Variants in CETP observed in about 807,000 individuals in gnomAD.
CETP encodes BPI fold containing family F.
In CETP, 56 loss-of-function variants were observed where a neutral mutation model predicts 66.5. The ratio of observed to expected loss-of-function variants is 0.84; its 90% CI spans 0.68 to 1.05. The LOEUF is 1.05. Ranked by LOEUF, CETP falls within the 50% of genes least tolerant of loss-of-function variation. The pLI is 0.00. For synonymous variants in CETP, 251 were observed against 245.7 expected, an observed-to-expected ratio of 1.02 and a Z score of -0.20; for missense variants, 612 against 609.6, an observed-to-expected ratio of 1.00 and a Z score of -0.04.
intron 11 of CETP, among the ~76,000 whole-genome samples, chr16:56,979,845 A>G (rs1333085281): frequency 6.6e-6 from 1 of 152,210 alleles, no homozygotes; most frequent in Non-Finnish European, 1.5e-5. Context: ...GACAAGAGCG[A>G]TACAATCACA....
intron 10 of CETP, among the ~76,000 whole-genome samples, chr16:56,977,042 G>A (rs2056154619): frequency 2.0e-5 from 3 of 152,002 alleles, no homozygotes; most frequent in Admixed American, 2.0e-4. Flanking sequence ...CCGATTGGCT[G>A]GGGTTACAGG....
At chr16:56,972,973 T>A (rs1276556405) in intron 8 of CETP, among the ~76,000 whole-genome samples, 1 of 152,068 alleles carries the variant, frequency 6.6e-6, no homozygotes, top group Admixed American at 6.5e-5. Flanking sequence ...CAGGAGCCGA[T>A]GGTCAATGGA....
At chr16:56,970,800 G>A (rs1389259501) in intron 5 of CETP, among the ~76,000 whole-genome samples, 2 of 152,234 alleles carry the variant, frequency 1.3e-5, no homozygotes, top group Non-Finnish European at 2.9e-5. Context: ...GTGTGTGACA[G>A]GTGTGAGCGT....
At chr16:56,980,506 A>G (rs1398196718) in intron 11 of CETP, among the ~76,000 whole-genome samples, 1 of 151,878 alleles carries the variant, frequency 6.6e-6, no homozygotes. Flanking sequence ...TAATTTTTGT[A>G]TTACTTTCCT....
At chr16:56,965,216 A>G (rs1401554746) in intron 2 of CETP, among the ~76,000 whole-genome samples, 1 of 152,206 alleles carries the variant, frequency 6.6e-6, no homozygotes, top group Admixed American at 6.5e-5. Context: ...GTAAGACCAG[A>G]CTGCCATAGA....
chr16:56,963,606 G>C (rs1438967844), intron 2 of CETP, among the ~76,000 whole-genome samples: 1 of 152,070 alleles, frequency 6.6e-6, no homozygotes, highest in Non-Finnish European at 1.5e-5. Context: ...AACAGTCAAG[G>C]GTCGGTTGTG....
intron 9 of CETP, among the ~76,000 whole-genome samples, chr16:56,974,784 A>G (rs1159424919): frequency 6.6e-6 from 1 of 152,226 alleles, no homozygotes; most frequent in Non-Finnish European, 1.5e-5. Context: ...ATACTGTACT[A>G]GAAATGCTTA....
At chr16:56,962,262 C>T in intron 1 of CETP, 165 bp downstream of exon 1, 4 of 748,578 alleles carry the variant, frequency 5.3e-6, no homozygotes, top group Non-Finnish European at 9.7e-6. Context: ...TGTCATCACC[C>T]CCTCCTGACC....
intron 12 of CETP, among the ~76,000 whole-genome samples, chr16:56,981,445 C>A (rs2056187063): frequency 6.6e-6 from 1 of 152,076 alleles, no homozygotes; most frequent in South Asian, 2.1e-4. Context: ...AAGGGCCTGG[C>A]AGGAGGAGAG....
At chr16:56,963,888 C>G (rs1454656377) in intron 2 of CETP, among the ~76,000 whole-genome samples, 1 of 152,064 alleles carries the variant, frequency 6.6e-6, no homozygotes, top group African/African-American at 2.4e-5. Context: ...AGACTGGTCT[C>G]CAACTCCTGA....
At chr16:56,969,272 C>A in intron 2 of CETP, 114 bp from the exon 3 acceptor site, 2 of 1,356,478 alleles carry the variant, frequency 1.5e-6, no homozygotes, top group Non-Finnish European at 1.0e-6. Context: ...ATTAGGAGGA[C>A]ATTTTGGGGG....
chr16:56,981,274 C>T (rs771849155), intron 12 of CETP, 49 bp downstream of exon 12: 19 of 1,449,566 alleles, frequency 1.3e-5, no homozygotes, highest in African/African-American at 5.6e-5. Flanking sequence ...CAAACCTCTC[C>T]CTGGCCCCTT....
At chr16:56,966,744 C>T (rs2141994473) in intron 2 of CETP, among the ~76,000 whole-genome samples, 1 of 151,292 alleles carries the variant, frequency 6.6e-6, no homozygotes, top group African/African-American at 2.4e-5. Flanking sequence ...GAACCACAAG[C>T]ATATGCCACC....
intron 10 of CETP, among the ~76,000 whole-genome samples, chr16:56,976,434 G>A (rs191394643): frequency 2.0e-5 from 3 of 151,776 alleles, no homozygotes; most frequent in East Asian, 1.9e-4. Context: ...GAAAGTTGAC[G>A]AGGTCTTTTG....
At chr16:56,973,285 C>T (rs775928502) in intron 8 of CETP, 46 bp from the exon 9 acceptor site, 2 of 1,603,628 alleles carry the variant, frequency 1.2e-6, no homozygotes, top group South Asian at 1.1e-5. Flanking sequence ...GGACCTGAGC[C>T]CAGTAGGGAC....
At chr16:56,978,305 T>C in intron 11 of CETP, 50 bp downstream of exon 11, 1 of 1,611,646 alleles carries the variant, frequency 6.2e-7, no homozygotes, top group Non-Finnish European at 8.5e-7. Flanking sequence ...GACTCACATA[T>C]GGGCCGCAGA....
Position 56,972,014 on chromosome 16 carries a change from C to T in CETP, c.681C>T (p.Asp227=), listed in dbSNP as rs1300674301. The T allele has an allele frequency of 1.2e-6, 2 of 1,614,138 alleles. No homozygotes were observed. Among genetic ancestry groups the T allele is most frequent in the Middle Eastern group, 1.6e-4 (1 of 6,062 alleles). ...TRAASILSDG[D]IGVDISLTGD... is the part of the protein sequence containing the mutation. ...CAGCCAGCATCCTTTCAGATGGAGA[C>T]ATTGGGGTGGACATTTCCCTGACAG... Residue 227 remains aspartate (D), a synonymous_variant, in exon 8 of 16, where the codon GAC becomes GAT. Coordinates refer to ENST00000200676, the MANE Select transcript of CETP (RefSeq NM_000078.3).
At position 56,975,288 on chromosome 16, in the gene CETP, C is replaced by T. The variant is rs12720877; in HGVS notation, c.981+137C>T. ...CGAACACAGCTCCTACTCGGTTGTT[C>T]GGCATGGAGTGAAGCACTTAGTGTG... On this transcript the variant is annotated intron_variant, in intron 10 of 15. Coordinates refer to ENST00000200676, the MANE Select transcript of CETP (RefSeq NM_000078.3). 3,630 of 762,756 alleles carry T rather than the reference C, an allele frequency of 4.8e-3. 111 individuals carry two copies. The African/African-American group carries it at 0.055, about 12-fold the overall frequency. The allele number at this position is 762,756 out of a possible 1,614,324, so 47.2% of individuals were successfully genotyped here. A position where few individuals can be genotyped will look rare whatever the true frequency, so the allele number is the denominator to read the frequency against.
At position 56,963,023 on chromosome 16, in the gene CETP, T is replaced by C. The variant is rs1322142235; in HGVS notation, c.132T>C (p.Thr44=). ...CCTCCCCTCTAGTGAACCACGAGAC[T>C]GCCAAGGTGATCCAGACCGCCTTCC... is the stretch of plus-strand genomic sequence containing the variant. The part of the protein sequence containing the change: ...KPALLVLNHE[T]AKVIQTAFQR... Residue 44 remains threonine (T), a synonymous_variant, in exon 2 of 16, where the codon ACT becomes ACC. Transcript: ENST00000200676. The C allele has an allele frequency of 6.2e-7, 1 of 1,614,130 alleles. No individual in the cohort carries two copies. Among genetic ancestry groups the C allele is most frequent in the Non-Finnish European group, 8.5e-7 (1 of 1,179,994 alleles).
Sources: gnomAD v4.1 joint callset for allele counts (sites outside exome capture counted in the v4.1 genomes callset) on GRCh38, gnomAD v4.1.1 for gene constraint, MANE v1.5 for transcripts, NCBI Gene and HGNC (gene_info 2026-07-23, HGNC 2026-07-21) for gene names.